TMEM44: variants seen among roughly 807,000 people sequenced by gnomAD.
TMEM44 encodes the protein transmembrane protein 44.
In TMEM44, 43 loss-of-function variants were observed where a neutral mutation model predicts 47.8. The observed-to-expected ratio is 0.90, with a 90% CI of 0.70 to 1.16. TMEM44 has a LOEUF of 1.16. Among genes scored for constraint, TMEM44 ranks in the 50% most tolerant of loss-of-function variants. The pLI is 0.00. For missense variants in TMEM44, 568 were observed against 555.2 expected, an observed-to-expected ratio of 1.02 and a Z score of -0.23; for synonymous variants, 277 against 238.8, an observed-to-expected ratio of 1.16 and a Z score of -1.48.
intron 1 of TMEM44, among the ~76,000 whole-genome samples, chr3:194,631,161 G>A (rs1024416481): frequency 3.3e-5 from 5 of 150,416 alleles, no homozygotes; most frequent in African/African-American, 1.2e-4. Context: ...CTCCCGAAGG[G>A]GCTGGCTGTT....
chr3:194,594,308 C>T (rs774024797), intron 9 of TMEM44, among the ~76,000 whole-genome samples: 13 of 151,870 alleles, frequency 8.6e-5, no homozygotes, highest in Admixed American at 5.3e-4. Flanking sequence ...GGATTACAGG[C>T]GCCCAGGACC....
At position 194,600,755 on chromosome 3, in the gene TMEM44, GAAA is replaced by G. The variant is rs1002882392; in HGVS notation, c.1176+3529_1176+3531del. On this transcript the variant is annotated intron_variant, in intron 9 of 9. Coordinates refer to ENST00000347147, the MANE Select transcript of TMEM44 (RefSeq NM_001011655.3). ...ACAGAGCAAGACTCCGTCTCAAAAA[GAAA>G]AAAAAGAAGAAGAAGAAGAACAGAA... Among the ~76,000 whole-genome samples the G allele has an allele frequency of 2.3e-3, 344 of 148,698 alleles. 2 individuals are homozygous for G. The highest frequency in any genetic ancestry group is 7.6e-3 in the African/African-American group (294 of 38,802).
intron 3 of TMEM44, among the ~76,000 whole-genome samples, chr3:194,624,459 C>T (rs1011033390): frequency 2.6e-5 from 4 of 152,116 alleles, no homozygotes; most frequent in Admixed American, 2.0e-4. Flanking sequence ...CTCGCTGTCA[C>T]CCAGGCTGGA....
At chr3:194,602,731 C>T (rs935123211) in intron 9 of TMEM44, among the ~76,000 whole-genome samples, 7 of 152,150 alleles carry the variant, frequency 4.6e-5, no homozygotes, top group Non-Finnish European at 1.0e-4. Context: ...GTAGTGCTCC[C>T]GGTGAGGGGA....
In TMEM44 at chr3:194,588,524, A is replaced by C; in HGVS notation, c.*5T>G. The C allele has an allele frequency of 6.2e-7, 1 of 1,613,466 alleles. No individual in the cohort carries two copies. The highest frequency in any genetic ancestry group is 1.1e-5 in the South Asian group (1 of 91,060). The stretch of plus-strand genomic sequence containing the variant: ...TCTGAGCTGATGAGCTGGCTCCAGA[A>C]GGTGTTAATCATCATCACTCAGGTG... On this transcript the variant is annotated 3_prime_UTR_variant, in exon 10 of 10. Coordinates refer to ENST00000347147, the MANE Select transcript of TMEM44 (RefSeq NM_001011655.3).
chr3:194,591,939 C>T (rs1413993521), intron 9 of TMEM44, among the ~76,000 whole-genome samples: 1 of 152,102 alleles, frequency 6.6e-6, no homozygotes, highest in African/African-American at 2.4e-5. Flanking sequence ...AATCATTGGG[C>T]CAGGCGTGGT....
intron 6 of TMEM44, 123 bp downstream of exon 6, chr3:194,616,976 C>T: frequency 9.0e-7 from 1 of 1,115,522 alleles, no homozygotes; most frequent in Non-Finnish European, 1.2e-6. Flanking sequence ...CAAACCACTC[C>T]CTTACTGCTG....
chr3:194,591,147 C>A (rs1712639245), intron 9 of TMEM44, among the ~76,000 whole-genome samples: 1 of 149,726 alleles, frequency 6.7e-6, no homozygotes, highest in African/African-American at 2.5e-5. Flanking sequence ...TGAGCTGAGA[C>A]TGTGTGATTG....
rs1383220457 is a variant in TMEM44, at chr3:194,628,481, G to A, written c.166C>T (p.Pro56Ser). The change falls in exon 2 of 10, where the codon CCC becomes TCC. Residue 56 changes from proline (P) to serine (S), a missense_variant. Pro to Ser is a moderately conservative substitution (Grantham distance 74, BLOSUM62 -1). Transcript: ENST00000347147. ...CACAGTGCCGACTGGTCCTGTCTGG[G>A]TTTCTGTGCACATCTCAGATAGAGA... ...LLLYLRCAQK[P>S]RQDQSALCAA... 1 of 1,613,500 alleles carries A rather than the reference G, an allele frequency of 6.2e-7. No homozygotes were observed. Among genetic ancestry groups the A allele is most frequent in the Non-Finnish European group, 8.5e-7 (1 of 1,179,772 alleles).
At chr3:194,609,444 C>A (rs184974810) in intron 8 of TMEM44, among the ~76,000 whole-genome samples, 3 of 152,250 alleles carry the variant, frequency 2.0e-5, no homozygotes, top group Admixed American at 2.0e-4. Context: ...GCAGGAAACA[C>A]AGAAGAGTGG....
At chr3:194,612,211 A>G (rs1384971709) in intron 7 of TMEM44, among the ~76,000 whole-genome samples, 4 of 152,236 alleles carry the variant, frequency 2.6e-5, no homozygotes, top group African/African-American at 9.6e-5. Flanking sequence ...GAGACTCCAG[A>G]GGCTTCTACT....
At chr3:194,630,037 G>A (rs1237733028) in intron 1 of TMEM44, among the ~76,000 whole-genome samples, 2 of 93,986 alleles carry the variant, frequency 2.1e-5, no homozygotes, top group African/African-American at 4.3e-5. Flanking sequence ...TGTTTCCATC[G>A]GCGTCACTGA....
intron 9 of TMEM44, among the ~76,000 whole-genome samples, chr3:194,604,035 G>A (rs1714470926): frequency 2.6e-5 from 4 of 151,884 alleles, no homozygotes. Flanking sequence ...TGTATTTTTA[G>A]TAGAGATAAG....
chr3:194,623,111 G>A (rs1577216505), intron 5 of TMEM44, 113 bp downstream of exon 5: 2 of 1,003,402 alleles, frequency 2.0e-6, no homozygotes, highest in East Asian at 2.7e-5. Context: ...CTGAGCCCAT[G>A]TCCATGCACC....
Position 194,633,114 on chromosome 3 carries a change from G to A in TMEM44, c.102C>T (p.Ile34=), listed in dbSNP as rs1718002715. ...CGGCGATCCAGCAGGAGGAGGCGCA[G>A]ATCCACAGGCCGAAGGAGATGCAGA... is the stretch of plus-strand genomic sequence containing the variant. ...HRVCISFGLW[I]CASSCWIAAH... The change falls in exon 1 of 10, where the codon ATC becomes ATT. Residue 34 remains isoleucine (I), a synonymous_variant. Coordinates refer to ENST00000347147, the MANE Select transcript of TMEM44 (RefSeq NM_001011655.3). The A allele has an allele frequency of 1.9e-6, 3 of 1,551,090 alleles. No homozygotes were observed. The highest frequency in any genetic ancestry group is 1.4e-5 in the African/African-American group (1 of 73,154).
At chr3:194,597,683 T>G (rs1334574800) in intron 9 of TMEM44, among the ~76,000 whole-genome samples, 5 of 146,168 alleles carry the variant, frequency 3.4e-5, no homozygotes, top group Non-Finnish European at 6.0e-5. Flanking sequence ...GAAAAAAAAA[T>G]AAATTCAACC....
intron 5 of TMEM44, among the ~76,000 whole-genome samples, chr3:194,619,952 T>C (rs1716338447): frequency 6.6e-6 from 1 of 152,156 alleles, no homozygotes; most frequent in African/African-American, 2.4e-5. Context: ...GCTCTCCAGA[T>C]GCTGGGCACT....
chr3:194,594,878 A>G (rs1713213558), intron 9 of TMEM44, among the ~76,000 whole-genome samples: 1 of 152,206 alleles, frequency 6.6e-6, no homozygotes, highest in African/African-American at 2.4e-5. Flanking sequence ...AAAATTTAGG[A>G]AGAGCGCCCT....
At chr3:194,633,056 C>CG (rs78196807) in intron 1 of TMEM44, 23 bp downstream of exon 1, 3 of 1,546,394 alleles carry the variant, frequency 1.9e-6, no homozygotes, top group Non-Finnish European at 2.6e-6. Context: ...GCCCGACAGC[C>CG]CCCCGACCCG....
Sources: gnomAD v4.1 joint callset for allele counts (sites outside exome capture counted in the v4.1 genomes callset) on GRCh38, gnomAD v4.1.1 for gene constraint, MANE v1.5 for transcripts, NCBI Gene and HGNC (gene_info 2026-07-23, HGNC 2026-07-21) for gene names.